KIF26B: variants seen among roughly 807,000 people sequenced by gnomAD.
The protein encoded by KIF26B is kinesin-like protein KIF26B.
KIF26B carries 63 observed loss-of-function variants against 151.2 expected under a neutral mutation model. That is an observed-to-expected ratio of 0.42 (90% CI 0.34 to 0.51). The LOEUF (loss-of-function observed/expected upper bound fraction) is 0.51. KIF26B is among the 20% of genes least tolerant of loss of function. The pLI is 0.07. For synonymous variants in KIF26B, 1,357 were observed against 1,262.1 expected (o/e 1.08, Z -1.59); for missense variants, 2,813 against 2,913.6 (o/e 0.97, Z 0.79).
At chr1:245,331,155 G>C (rs1389923638) in intron 2 of KIF26B, among the ~76,000 whole-genome samples, 12 of 152,026 alleles carry the variant, frequency 7.9e-5, no homozygotes. Context: ...GCAGAGCAGA[G>C]CCTGCTGCGG....
chr1:245,551,162 C>T (rs571979856), intron 5 of KIF26B, among the ~76,000 whole-genome samples: 6 of 152,336 alleles, frequency 3.9e-5, no homozygotes, highest in East Asian at 3.9e-4. Context: ...CCTCCCACCT[C>T]AGCCTCTCAG....
chr1:245,417,748 A>G (rs568932388), intron 3 of KIF26B, among the ~76,000 whole-genome samples: 1 of 152,346 alleles, frequency 6.6e-6, no homozygotes, highest in East Asian at 1.9e-4. Context: ...GGGAATCTGG[A>G]CCCACCCAGA....
chr1:245,702,658 T>C lies in KIF26B; in HGVS notation c.*52T>C. 9 of 1,583,236 alleles carry C rather than the reference T, an allele frequency of 5.7e-6. No homozygotes were observed. The highest frequency in any genetic ancestry group is 7.7e-6 in the Non-Finnish European group (9 of 1,161,922). On this transcript the variant is annotated 3_prime_UTR_variant, in exon 15 of 15. Coordinates refer to ENST00000407071, the MANE Select transcript of KIF26B (RefSeq NM_018012.4). The surrounding 1 kb of genome is among the most constrained non-coding windows in gnomAD (Gnocchi z 4.1). ...CCCCCGCTCCCCAGGACTTCAGAGATGTTGCACGCCCCTAGGCCCTCTGTG... is the reference window on the plus strand; with the variant it reads ...CCCCCGCTCCCCAGGACTTCAGAGACGTTGCACGCCCCTAGGCCCTCTGTG...
chr1:245,334,294 A>T (rs894111210), intron 2 of KIF26B, among the ~76,000 whole-genome samples: 3 of 152,242 alleles, frequency 2.0e-5, no homozygotes, highest in Admixed American at 6.5e-5. Context: ...TGTTTTGCTC[A>T]TTCCTAATGC....
At chr1:245,561,241 C>T (rs1267325851) in intron 5 of KIF26B, among the ~76,000 whole-genome samples, 1 of 152,180 alleles carries the variant, frequency 6.6e-6, no homozygotes. Context: ...AGGCACAAAT[C>T]AACAGTAAGT....
chr1:245,604,425 T>A (rs190670513), intron 6 of KIF26B, among the ~76,000 whole-genome samples: 1 of 152,252 alleles, frequency 6.6e-6, no homozygotes, highest in Non-Finnish European at 1.5e-5. Flanking sequence ...CCCAAAGAGT[T>A]TTACCCAAGA....
intron 10 of KIF26B, among the ~76,000 whole-genome samples, chr1:245,661,165 T>C (rs1202388018): frequency 1.3e-5 from 2 of 151,942 alleles, no homozygotes; most frequent in Non-Finnish European, 2.9e-5. Flanking sequence ...TTTTGTATTT[T>C]TAGTAGAGAT....
At chr1:245,671,281 A>T (rs1465186827) in intron 10 of KIF26B, among the ~76,000 whole-genome samples, 3 of 152,200 alleles carry the variant, frequency 2.0e-5, no homozygotes, top group African/African-American at 7.2e-5. Context: ...ATCTAATGGA[A>T]TATATTATTC....
At chr1:245,161,213 T>C (rs1356732779) in intron 2 of KIF26B, among the ~76,000 whole-genome samples, 1 of 152,154 alleles carries the variant, frequency 6.6e-6, no homozygotes, top group African/African-American at 2.4e-5. Context: ...ATTTTGGGAG[T>C]TTATAAAAAC....
intron 4 of KIF26B, among the ~76,000 whole-genome samples, chr1:245,438,114 C>A (rs570271536): frequency 2.0e-5 from 3 of 152,302 alleles, no homozygotes; most frequent in African/African-American, 7.2e-5. Flanking sequence ...TAAATCCTTT[C>A]GTGTGCTCAA....
At chr1:245,631,888 A>G (rs1012637569) in intron 9 of KIF26B, among the ~76,000 whole-genome samples, 1 of 151,878 alleles carries the variant, frequency 6.6e-6, no homozygotes, top group African/African-American at 2.4e-5. Context: ...GACTCTAATC[A>G]TTTGTATTTC....
At chr1:245,489,394 C>T (rs921378370) in intron 4 of KIF26B, among the ~76,000 whole-genome samples, 8 of 152,116 alleles carry the variant, frequency 5.3e-5, no homozygotes, top group Non-Finnish European at 8.8e-5. Flanking sequence ...TCCTATAGCT[C>T]GTTTTCTTTT....
intron 9 of KIF26B, among the ~76,000 whole-genome samples, chr1:245,642,694 G>T (rs1010472066): frequency 6.6e-6 from 1 of 152,106 alleles, no homozygotes; most frequent in African/African-American, 2.4e-5. Context: ...AGGAGCTGGA[G>T]CAGAATCTGG....
chr1:245,653,443 AC>A (rs1450213543), intron 10 of KIF26B, among the ~76,000 whole-genome samples: 1 of 152,128 alleles, frequency 6.6e-6, no homozygotes, highest in African/African-American at 2.4e-5. Flanking sequence ...CATCGTGAGC[AC>A]CACAGCCGGG....
intron 2 of KIF26B, among the ~76,000 whole-genome samples, chr1:245,292,668 C>T (rs1050217580): frequency 2.6e-5 from 4 of 152,206 alleles, no homozygotes; most frequent in South Asian, 2.1e-4. Flanking sequence ...TTCCTTCTGG[C>T]GCTGTCTCCC....
At chr1:245,283,439 T>C (rs970239788) in intron 2 of KIF26B, among the ~76,000 whole-genome samples, 1 of 152,148 alleles carries the variant, frequency 6.6e-6, no homozygotes, top group Non-Finnish European at 1.5e-5. Context: ...TTTTTTTCTT[T>C]TTACCCTCTT....
intron 4 of KIF26B, among the ~76,000 whole-genome samples, chr1:245,440,681 C>T (rs993836767): frequency 6.6e-6 from 1 of 152,234 alleles, no homozygotes; most frequent in African/African-American, 2.4e-5. Context: ...GTCCAATACA[C>T]TAGCCCTTCT....
At chr1:245,462,919 A>G (rs1464378191) in intron 4 of KIF26B, among the ~76,000 whole-genome samples, 1 of 152,212 alleles carries the variant, frequency 6.6e-6, no homozygotes, top group East Asian at 1.9e-4. Context: ...TGGGAGATGC[A>G]GAGACAACTT....
At chr1:245,695,166 G>A (rs905076497) in intron 12 of KIF26B, among the ~76,000 whole-genome samples, 13 of 152,196 alleles carry the variant, frequency 8.5e-5, no homozygotes, top group Non-Finnish European at 1.8e-4. Flanking sequence ...GGAGCATGCA[G>A]AAAATCTAAG....
Sources: gnomAD v4.1 joint callset for allele counts (sites outside exome capture counted in the v4.1 genomes callset) on GRCh38, gnomAD v4.1.1 for gene constraint, Gnocchi (gnomAD v3.1) non-coding constraint, MANE v1.5 for transcripts, NCBI Gene and HGNC (gene_info 2026-07-23, HGNC 2026-07-21) for gene names.